FBXW7: variants seen among roughly 807,000 people sequenced by gnomAD.
The protein encoded by FBXW7 is F-box and WD repeat domain containing 7.
FBXW7 carries 11 observed loss-of-function variants against 86.3 expected under a neutral mutation model. That is an observed-to-expected ratio of 0.13 (90% confidence interval 0.08 to 0.21). The LOEUF (loss-of-function observed/expected upper bound fraction) is 0.21. Among genes scored for constraint, FBXW7 ranks in the 10% least tolerant of loss-of-function variants. The pLI is 1.00. For synonymous variants in FBXW7, 313 were observed against 297.9 expected (o/e 1.05, Z -0.52); for missense variants, 488 against 847.4 (o/e 0.58, Z 5.27).
In FBXW7 at chr4:152,503,646, T is replaced by TAA. The variant is rs59515223; in HGVS notation, c.-120+31293_-120+31294dup. On this transcript the variant is annotated intron_variant, in intron 2 of 13. Transcript: ENST00000281708. ...AGAAAAAGTTGTCACTATGTAGCTG[T>TAA]AAAAAAAAAAAAAAAATCAAGAGTG... 1.8e-3 allele frequency among the ~76,000 whole-genome samples: 250 copies of TAA among 142,364 alleles called. 4 individuals carry two copies. The East Asian group carries it at 0.024, about 13-fold the overall frequency. The allele number at this position is 142,364 out of a possible 152,430, so 93.4% of individuals were successfully genotyped here.
At chr4:152,356,339 C>T (rs996930093) in intron 4 of FBXW7, among the ~76,000 whole-genome samples, 1 of 152,148 alleles carries the variant, frequency 6.6e-6, no homozygotes, top group African/African-American at 2.4e-5. Context: ...ACATATATTA[C>T]AATCAGTACT....
chr4:152,362,873 C>T (rs1733118432), intron 4 of FBXW7, among the ~76,000 whole-genome samples: 1 of 145,450 alleles, frequency 6.9e-6, no homozygotes, highest in Admixed American at 6.9e-5. Context: ...GAATAGTTTT[C>T]AAGAGAAGAT....
At chr4:152,513,737 T>C (rs924339798) in intron 2 of FBXW7, among the ~76,000 whole-genome samples, 1 of 152,220 alleles carries the variant, frequency 6.6e-6, no homozygotes, top group Non-Finnish European at 1.5e-5. Flanking sequence ...CTTACCTTTA[T>C]AAAAATAAAA....
At chr4:152,413,072 G>A (rs1345247305) in intron 2 of FBXW7, among the ~76,000 whole-genome samples, 7 of 151,918 alleles carry the variant, frequency 4.6e-5, no homozygotes, top group Non-Finnish European at 8.8e-5. Context: ...TTATGCACCC[G>A]TGATCTAAAA....
At position 152,512,540 on chromosome 4, in the gene FBXW7, T is replaced by C. The variant is rs78750606; in HGVS notation, c.-120+22401A>G. Reference sequence around the variant, plus strand: ...TAAAATGTGGTACCCTCCATACAACTGAATACTATTCAGTCCTAAAAAGAA... The same window carrying C: ...TAAAATGTGGTACCCTCCATACAACCGAATACTATTCAGTCCTAAAAAGAA... On this transcript the variant is annotated intron_variant, in intron 2 of 13. Coordinates refer to ENST00000281708, the MANE Select transcript of FBXW7 (RefSeq NM_001349798.2). Among the ~76,000 whole-genome samples the C allele has an allele frequency of 4.8e-4, 73 of 152,332 alleles. 1 individual carries two copies. In the East Asian group the frequency reaches 0.014, roughly 29 times the overall value.
rs577482842 is a variant in FBXW7, at chr4:152,455,601, CA to C, written c.-119-43073del. Among the ~76,000 whole-genome samples the C allele has an allele frequency of 3.5e-4, 54 of 152,312 alleles. No homozygotes were observed. The South Asian group carries it at 0.01, about 29-fold the overall frequency. On this transcript the variant is annotated intron_variant, in intron 2 of 13. Transcript: ENST00000281708. ...TCCTCAAAATTCTACCAGCTTCTGC[CA>C]ATACCCCAATTTCAAAGCCACTTTC...
chr4:152,411,287 T>C lies in FBXW7; in HGVS notation c.501+16A>G, dbSNP rs752054939. 1.4e-5 allele frequency: 22 copies of C among 1,564,734 alleles called. No homozygotes were observed. In the East Asian group the frequency reaches 4.3e-4, roughly 31 times the overall value. The stretch of plus-strand genomic sequence containing the variant: ...TGTAAAGTTTCTCAGGTTAACAATA[T>C]ATTGAATATACTCACTTTTGTTGTT... On this transcript the variant is annotated intron_variant, in intron 4 of 13. Coordinates refer to ENST00000281708, the MANE Select transcript of FBXW7 (RefSeq NM_001349798.2).
chr4:152,393,298 A>T (rs1013670791), intron 4 of FBXW7, among the ~76,000 whole-genome samples: 7 of 152,168 alleles, frequency 4.6e-5, no homozygotes, highest in Admixed American at 1.3e-4. Flanking sequence ...TTAAATACCT[A>T]CAAGGCACCA....
intron 4 of FBXW7, among the ~76,000 whole-genome samples, chr4:152,400,825 C>T (rs902572424): frequency 7.2e-5 from 11 of 152,138 alleles, no homozygotes; most frequent in African/African-American, 2.4e-4. Context: ...ATGGGATAAA[C>T]GATTGTTATC....
intron 2 of FBXW7, among the ~76,000 whole-genome samples, chr4:152,440,767 A>C (rs1214369733): frequency 1.3e-5 from 2 of 152,154 alleles, no homozygotes; most frequent in Non-Finnish European, 2.9e-5. Context: ...TAATCTAAGC[A>C]TTCCCCATCC....
intron 2 of FBXW7, among the ~76,000 whole-genome samples, chr4:152,444,518 C>A (rs570139293): frequency 6.6e-6 from 1 of 152,218 alleles, no homozygotes; most frequent in South Asian, 2.1e-4. Flanking sequence ...TAATCCTAAA[C>A]AAGTTCCTAA....
At chr4:152,355,435 AAAG>A (rs1347765528) in intron 4 of FBXW7, among the ~76,000 whole-genome samples, 1 of 152,148 alleles carries the variant, frequency 6.6e-6, no homozygotes, top group Non-Finnish European at 1.5e-5. Flanking sequence ...AGTTCACAGG[AAAG>A]AAGGTCAACC....
At chr4:152,481,623 C>A (rs1744883630) in intron 2 of FBXW7, among the ~76,000 whole-genome samples, 1 of 152,300 alleles carries the variant, frequency 6.6e-6, no homozygotes, top group South Asian at 2.1e-4. Flanking sequence ...CAAAAACATT[C>A]ATTATTCATG....
At position 152,521,381 on chromosome 4, in the gene FBXW7, G is replaced by A. The variant is rs1560996493; in HGVS notation, c.-120+13560C>T. Among the ~76,000 whole-genome samples, 5 of 152,044 alleles carry A rather than the reference G, an allele frequency of 3.3e-5. No homozygotes were observed. In the South Asian group the frequency reaches 8.3e-4, roughly 25 times the overall value. ...ATATTCCAAGCAGAGGAAACAGCAA[G>A]GTGTAGAGACAAATATACATGAAAG... is the stretch of plus-strand genomic sequence containing the variant. On this transcript the variant is annotated intron_variant, in intron 2 of 13. Coordinates refer to ENST00000281708, the MANE Select transcript of FBXW7 (RefSeq NM_001349798.2).
intron 4 of FBXW7, among the ~76,000 whole-genome samples, chr4:152,367,805 T>C (rs553529577): frequency 5.3e-5 from 8 of 152,222 alleles, no homozygotes; most frequent in Non-Finnish European, 7.4e-5. Flanking sequence ...TTTTTGTATA[T>C]AGATGTAGAC....
chr4:152,409,374 G>C (rs1737721624), intron 4 of FBXW7, among the ~76,000 whole-genome samples: 1 of 152,094 alleles, frequency 6.6e-6, no homozygotes, highest in South Asian at 2.1e-4. Context: ...AGAATTTAAA[G>C]CTCTTCCAAA....
intron 4 of FBXW7, among the ~76,000 whole-genome samples, chr4:152,392,753 G>A (rs1736103160): frequency 6.6e-6 from 1 of 152,104 alleles, no homozygotes; most frequent in Non-Finnish European, 1.5e-5. Flanking sequence ...ATTTTACAAT[G>A]TAACAGGAAT....
At chr4:152,400,507 A>G (rs961130275) in intron 4 of FBXW7, among the ~76,000 whole-genome samples, 1 of 151,462 alleles carries the variant, frequency 6.6e-6, no homozygotes, top group African/African-American at 2.4e-5. Flanking sequence ...ATGCCTGGCT[A>G]ATTTTGTGCA....
chr4:152,421,481 T>C (rs754399056), intron 2 of FBXW7, among the ~76,000 whole-genome samples: 1 of 152,108 alleles, frequency 6.6e-6, no homozygotes, highest in Non-Finnish European at 1.5e-5. Flanking sequence ...GAGGACTGCT[T>C]GAGGTCAGGA....
Sources: gnomAD v4.1 joint callset for allele counts (sites outside exome capture counted in the v4.1 genomes callset) on GRCh38, gnomAD v4.1.1 for gene constraint, MANE v1.5 for transcripts, NCBI Gene and HGNC (gene_info 2026-07-23, HGNC 2026-07-21) for gene names.